Variants in MLLT10 observed in about 807,000 individuals in gnomAD.
MLLT10 encodes MLLT10 histone lysine methyltransferase DOT1L cofactor, also known as protein AF-10.
Under a neutral mutation model 129.1 loss-of-function variants are expected in MLLT10, and 30 were observed. The ratio of observed to expected loss-of-function variants is 0.23; its 90% CI spans 0.17 to 0.32. MLLT10 has a LOEUF of 0.32. Among genes scored for constraint, MLLT10 ranks in the 10% least tolerant of loss-of-function variants. The pLI, the probability that MLLT10 is intolerant of heterozygous loss-of-function variation, is 1.00. For missense variants in MLLT10, 1,119 were observed against 1,268.3 expected, an observed-to-expected ratio of 0.88 and a Z score of 1.79; for synonymous variants, 490 against 446.4, an observed-to-expected ratio of 1.10 and a Z score of -1.23.
At chr10:21,663,921 G>A (rs1564604640) in intron 9 of MLLT10, among the ~76,000 whole-genome samples, 1 of 152,086 alleles carries the variant, frequency 6.6e-6, no homozygotes. Context: ...GTGATTTTCA[G>A]TTTGTTGAGT....
chr10:21,551,157 C>T (rs1325377164), intron 3 of MLLT10, among the ~76,000 whole-genome samples: 1 of 151,622 alleles, frequency 6.6e-6, no homozygotes, highest in East Asian at 2.0e-4. Flanking sequence ...GAGCTCCTGA[C>T]CTCATGATCC....
chr10:21,732,115 G>A (rs2058017885), intron 17 of MLLT10, among the ~76,000 whole-genome samples: 1 of 152,200 alleles, frequency 6.6e-6, no homozygotes, highest in Non-Finnish European at 1.5e-5. Context: ...ACGGCCAGAT[G>A]TGTCTGTACC....
intron 8 of MLLT10, among the ~76,000 whole-genome samples, chr10:21,647,891 T>C (rs2048654070): frequency 6.6e-6 from 1 of 152,074 alleles, no homozygotes; most frequent in South Asian, 2.1e-4. Flanking sequence ...TTTTTATTTT[T>C]TGGGGGGGAG....
chr10:21,633,940 G>A (rs997486712), intron 8 of MLLT10, among the ~76,000 whole-genome samples: 2 of 152,122 alleles, frequency 1.3e-5, no homozygotes, highest in Non-Finnish European at 2.9e-5. Flanking sequence ...AGTATCAAAC[G>A]TTGCATTTAG....
intron 7 of MLLT10, among the ~76,000 whole-genome samples, chr10:21,615,542 T>A (rs974064007): frequency 2.6e-5 from 4 of 151,628 alleles, no homozygotes; most frequent in African/African-American, 7.3e-5. Context: ...AAAAAATTAA[T>A]CTGTAGGAAA....
At chr10:21,617,514 A>G (rs539991983) in intron 8 of MLLT10, among the ~76,000 whole-genome samples, 4 of 152,148 alleles carry the variant, frequency 2.6e-5, no homozygotes, top group Non-Finnish European at 2.9e-5. Context: ...GTTCGTTGCT[A>G]TATATTATTA....
At chr10:21,587,229 G>A (rs2042071409) in intron 4 of MLLT10, among the ~76,000 whole-genome samples, 1 of 151,448 alleles carries the variant, frequency 6.6e-6, no homozygotes, top group Non-Finnish European at 1.5e-5. Context: ...GGGAGACCTT[G>A]GTCTCTGCAA....
intron 3 of MLLT10, among the ~76,000 whole-genome samples, chr10:21,553,656 C>CTT (rs35195766): frequency 9.3e-5 from 13 of 140,112 alleles, no homozygotes; most frequent in African/African-American, 2.4e-4. Flanking sequence ...TTTTCCTTTT[C>CTT]TTTTTTTTTT....
At chr10:21,547,019 G>A (rs534335081) in intron 3 of MLLT10, among the ~76,000 whole-genome samples, 3 of 152,056 alleles carry the variant, frequency 2.0e-5, no homozygotes, top group East Asian at 1.9e-4. Flanking sequence ...TCCCATGCCC[G>A]GCCCTAATCC....
rs1489672919 is a variant in MLLT10, at chr10:21,717,510, TCCTCCACCA to T, written c.1878+3566_1878+3574del. 3.0e-4 allele frequency among the ~76,000 whole-genome samples: 26 copies of T among 86,882 alleles called. No individual in the cohort carries two copies. The East Asian group carries it at 6.6e-3, about 22-fold the overall frequency. The allele number at this position is 86,882 out of a possible 152,430, so 57.0% of individuals were successfully genotyped here. A position where few individuals can be genotyped will look rare whatever the true frequency, so the allele number is the denominator to read the frequency against. On this transcript the variant is annotated intron_variant, in intron 14 of 22. Coordinates refer to ENST00000307729, the MANE Select transcript of MLLT10 (RefSeq NM_001195626.3). ...CTCCTCCTCCTCCTCCTCCTCCTCC[TCCTCCACCA>T]CCTCCTCCTCCTCCTCCTCCTCCCT...
chr10:21,737,195 GTTTC>G (rs1215460100), intron 21 of MLLT10, among the ~76,000 whole-genome samples: 2 of 28,806 alleles, frequency 6.9e-5, no homozygotes, highest in Admixed American at 6.2e-4. Context: ...GACAGGGACT[GTTTC>G]TTTCTTAAAG....
intron 13 of MLLT10, among the ~76,000 whole-genome samples, chr10:21,697,042 C>CA (rs1339187348): frequency 7.7e-6 from 1 of 129,554 alleles, no homozygotes; most frequent in Non-Finnish European, 1.5e-5. Context: ...CTTATTATAC[C>CA]ATCAGTTAGA....
At chr10:21,546,410 C>CT (rs775175360) in intron 3 of MLLT10, among the ~76,000 whole-genome samples, 87 of 136,660 alleles carry the variant, frequency 6.4e-4, no homozygotes, top group Admixed American at 6.7e-4. Context: ...AAATATTCTA[C>CT]TTTTTTTTTT....
In MLLT10 at chr10:21,692,321, ATATTATTAT is replaced by A. The variant is rs149552027; in HGVS notation, c.1699+10084_1699+10092del. Among the ~76,000 whole-genome samples, 11 of 150,710 alleles carry A rather than the reference ATATTATTAT, an allele frequency of 7.3e-5. No individual in the cohort carries two copies. The East Asian group carries it at 9.7e-4, about 13-fold the overall frequency. ...GATTGACAAAATTATCACAATGGTT[ATATTATTAT>A]TATTATTATTATTATTATTTAATCA... is the stretch of plus-strand genomic sequence containing the variant. On this transcript the variant is annotated intron_variant, in intron 13 of 22. Transcript: ENST00000307729.
At chr10:21,615,469 A>G (rs192612365) in intron 7 of MLLT10, among the ~76,000 whole-genome samples, 3 of 133,766 alleles carry the variant, frequency 2.2e-5, no homozygotes, top group African/African-American at 7.5e-5. Context: ...AAAAAAAAAA[A>G]AAAAAGAAAA....
intron 3 of MLLT10, chr10:21,556,966 G>GT (rs2038105128): frequency 6.5e-7 from 1 of 1,531,082 alleles, no homozygotes; most frequent in African/African-American, 1.4e-5. Flanking sequence ...TTAACTACTT[G>GT]TGTTTCTGAT....
chr10:21,647,779 A>C (rs1207033247), intron 8 of MLLT10, among the ~76,000 whole-genome samples: 1 of 152,082 alleles, frequency 6.6e-6, no homozygotes, highest in Non-Finnish European at 1.5e-5. Flanking sequence ...CAGAATTAAA[A>C]TACAGAATTT....
chr10:21,644,147 T>G (rs1355709581), intron 8 of MLLT10, among the ~76,000 whole-genome samples: 1 of 152,222 alleles, frequency 6.6e-6, no homozygotes, highest in African/African-American at 2.4e-5. Context: ...TGAACTCATG[T>G]TATATTTTTT....
At chr10:21,656,884 G>T (rs1397430205) in intron 9 of MLLT10, among the ~76,000 whole-genome samples, 2 of 152,148 alleles carry the variant, frequency 1.3e-5, no homozygotes, top group African/African-American at 4.8e-5. Context: ...GGGGATTTTG[G>T]TTCTTAGGTA....
Sources: allele counts gnomAD v4.1 joint callset (sites outside exome capture counted in the v4.1 genomes callset), GRCh38; gene constraint gnomAD v4.1.1; transcripts MANE v1.5; gene names NCBI Gene and HGNC (gene_info 2026-07-23, HGNC 2026-07-21).